Variants in ASPSCR1 observed in about 807,000 individuals in gnomAD.
ASPSCR1 encodes the protein ASPSCR1 tether for SLC2A4, UBX domain containing.
Under a neutral mutation model 68.9 loss-of-function variants are expected in ASPSCR1, and 55 were observed. The ratio of observed to expected loss-of-function variants is 0.80; its 90% CI spans 0.64 to 1.00. ASPSCR1 has a LOEUF of 1.00. ASPSCR1 is among the 50% of genes least tolerant of loss of function. The pLI, the probability that ASPSCR1 is intolerant of heterozygous loss-of-function variation, is 0.00. For synonymous variants in ASPSCR1, 352 were observed against 332.6 expected, an observed-to-expected ratio of 1.06 and a Z score of -0.63; for missense variants, 765 against 762.2, an observed-to-expected ratio of 1.00 and a Z score of -0.04.
chr17:82,015,972 C>T (rs1403365685), intron 12 of ASPSCR1: 5 of 166,564 alleles, frequency 3.0e-5, no homozygotes, highest in Non-Finnish European at 1.3e-5. Context: ...TGGGCCTGGC[C>T]TTTGAAGCTT....
chr17:81,991,664 C>T (rs2042172061), intron 4 of ASPSCR1, among the ~76,000 whole-genome samples: 2 of 152,254 alleles, frequency 1.3e-5, no homozygotes. Context: ...AGGCCGGAGC[C>T]TGCCCCAGGC....
intron 12 of ASPSCR1, chr17:82,014,374 G>T (rs2043050126): frequency 6.5e-6 from 1 of 152,918 alleles, no homozygotes; most frequent in Non-Finnish European, 1.5e-5. Context: ...CTTGCAGAAG[G>T]CAGGATGGCT....
At position 81,987,357 on chromosome 17, in the gene ASPSCR1, G is replaced by T. The variant is rs2042029214; in HGVS notation, c.374+1750G>T. On this transcript the variant is annotated intron_variant, in intron 4 of 15. Transcript: ENST00000306739. The surrounding 1 kb of genome is among the most constrained non-coding windows in gnomAD (Gnocchi z 5.6). ...GGCTCTGTGCTGCTTCCTGAGACGA[G>T]AGTGGCAGAGGGCAAGAAGAAAACC... Among the ~76,000 whole-genome samples the T allele has an allele frequency of 6.6e-6, 1 of 152,246 alleles. No homozygotes were observed. The highest frequency in any genetic ancestry group is 1.5e-5 in the Non-Finnish European group (1 of 68,046).
Position 81,977,807 on chromosome 17 carries a change from C to T in ASPSCR1, c.102+59C>T, listed in dbSNP as rs1236023242. ...GGGCGGGGGGCGCTGCGCCGAGGCCCCGCCCATTGCGGTCGGCGTCCCGGT... is the reference window on the plus strand; with the variant it reads ...GGGCGGGGGGCGCTGCGCCGAGGCCTCGCCCATTGCGGTCGGCGTCCCGGT... On this transcript the variant is annotated intron_variant, in intron 1 of 15. Coordinates refer to ENST00000306739, the MANE Select transcript of ASPSCR1 (RefSeq NM_024083.4). This position sits in a 1 kb window ranked among gnomAD's most constrained non-coding sequence, Gnocchi z 5.0. 2 of 1,170,654 alleles carry T rather than the reference C, an allele frequency of 1.7e-6. No individual in the cohort carries two copies. The highest frequency in any genetic ancestry group is 1.6e-5 in the African/African-American group (1 of 62,276). 72.5% of individuals were successfully genotyped at this position (1,170,654 alleles called of 1,614,324 possible). A position where few individuals can be genotyped will look rare whatever the true frequency, so the allele number is the denominator to read the frequency against.
rs550884343 is a variant in ASPSCR1, at chr17:81,987,418, C to G, written c.374+1811C>G. On this transcript the variant is annotated intron_variant, in intron 4 of 15. Coordinates refer to ENST00000306739, the MANE Select transcript of ASPSCR1 (RefSeq NM_024083.4). This position sits in a 1 kb window ranked among gnomAD's most constrained non-coding sequence, Gnocchi z 5.6. The stretch of plus-strand genomic sequence containing the variant: ...GGGAACAGAAGTCAGGAAAGATGAA[C>G]GTCTGGAAGGAAATGCCCCTGGGCC... 3.4e-4 allele frequency among the ~76,000 whole-genome samples: 51 copies of G among 152,210 alleles called. No individual in the cohort carries two copies. Among genetic ancestry groups the G allele is most frequent in the Non-Finnish European group, 5.9e-4 (40 of 68,036 alleles).
intron 11 of ASPSCR1, 73 bp downstream of exon 11, chr17:82,011,678 C>T (rs2042952823): frequency 6.6e-7 from 1 of 1,519,784 alleles, no homozygotes; most frequent in African/African-American, 1.4e-5. Flanking sequence ...CACCGCCCGT[C>T]CCAGCTGGGG....
chr17:82,010,252 G>A (rs888474286), intron 9 of ASPSCR1, among the ~76,000 whole-genome samples: 2 of 150,658 alleles, frequency 1.3e-5, no homozygotes, highest in African/African-American at 4.9e-5. Context: ...CATTTGAGCC[G>A]GGCGTGGTGG....
At chr17:81,985,106 G>A (rs1231579627) in intron 3 of ASPSCR1, among the ~76,000 whole-genome samples, 3 of 126,584 alleles carry the variant, frequency 2.4e-5, no homozygotes, top group Middle Eastern at 5.7e-3. Context: ...GCACATACCC[G>A]CACACACCTG....
At chr17:81,997,101 TGTCCGCTCCGGG>T in intron 7 of ASPSCR1, among the ~76,000 whole-genome samples, 1 of 150,434 alleles carries the variant, frequency 6.6e-6, no homozygotes, top group Non-Finnish European at 1.5e-5. Flanking sequence ...GATGAGGCCG[TGTCCGCTCCGGG>T]ATGAGGCCGT....
intron 7 of ASPSCR1, among the ~76,000 whole-genome samples, chr17:82,002,554 CTATTTTTATTTT>C (rs570660016): frequency 6.6e-6 from 1 of 150,994 alleles, no homozygotes; most frequent in Non-Finnish European, 1.5e-5. Flanking sequence ...TGTGCCCAGC[CTATTTTTATTTT>C]TATTTTTATT....
At chr17:82,016,603 G>A in intron 13 of ASPSCR1, 76 bp downstream of exon 13, 1 of 1,536,476 alleles carries the variant, frequency 6.5e-7, no homozygotes, top group Middle Eastern at 2.0e-4. Context: ...CTGCCCGGGA[G>A]GGCGTTCGGT....
At chr17:81,985,402 A>AG in intron 3 of ASPSCR1, 105 bp from the exon 4 acceptor site, 1 of 1,212,258 alleles carries the variant, frequency 8.2e-7, no homozygotes, top group East Asian at 2.5e-5. Flanking sequence ...CCTGGAGGCC[A>AG]GGGCGGGGCA....
rs1205873461 is a variant in ASPSCR1 at position 81,983,637 on chromosome 17, C to T, written c.242C>T (p.Ala81Val). The T allele has an allele frequency of 6.2e-7, 1 of 1,613,108 alleles. No individual in the cohort carries two copies. Among genetic ancestry groups the T allele is most frequent in the African/African-American group, 1.3e-5 (1 of 74,758 alleles). ...PNNAKLEMVP[A>V]SRSREGPENM... ...AATGCCAAGCTGGAGATGGTGCCCG[C>T]TTCCCGGAGCCGTGAGGGGCCTGAG... is the stretch of plus-strand genomic sequence containing the variant. The change falls in exon 3 of 16, where the codon GCT (alanine) becomes GTT (valine). Residue 81 changes from alanine to valine, a missense_variant. Physicochemically the swap from Ala to Val is moderately conservative, Grantham distance 64. Transcript: ENST00000306739. This position sits in a 1 kb window ranked among gnomAD's most constrained non-coding sequence, Gnocchi z 4.4.
At chr17:81,992,158 T>A (rs1017867125) in intron 4 of ASPSCR1, among the ~76,000 whole-genome samples, 3 of 152,254 alleles carry the variant, frequency 2.0e-5, no homozygotes, top group African/African-American at 7.2e-5. Flanking sequence ...GCATGGTGTC[T>A]GGTGGCTTGG....
In ASPSCR1 at chr17:81,985,916, C is replaced by T. The variant is rs555743346; in HGVS notation, c.374+309C>T. On this transcript the variant is annotated intron_variant, in intron 4 of 15. Coordinates refer to ENST00000306739, the MANE Select transcript of ASPSCR1 (RefSeq NM_024083.4). ...CTGGTGAGCACTAAGGGGAGACGTT[C>T]GGTGCTGGGGGCAGGGCTCCCCATG... Among the ~76,000 whole-genome samples the T allele has an allele frequency of 6.6e-5, 10 of 152,046 alleles. No homozygotes were observed. In the South Asian group the frequency reaches 8.3e-4, roughly 13 times the overall value.
At chr17:82,009,846 C>T (rs372090904) in intron 9 of ASPSCR1, 2 of 359,286 alleles carry the variant, frequency 5.6e-6, no homozygotes, top group Non-Finnish European at 1.0e-5. Flanking sequence ...TGAGCAGGGC[C>T]CCCCCGTGGT....
intron 4 of ASPSCR1, among the ~76,000 whole-genome samples, chr17:81,993,650 T>G (rs1196992506): frequency 6.6e-6 from 1 of 152,254 alleles, no homozygotes; most frequent in Non-Finnish European, 1.5e-5. Flanking sequence ...TCCCGCTCTG[T>G]GCATGGATGT....
chr17:81,997,487 G>GTTT (rs774654669), intron 7 of ASPSCR1, among the ~76,000 whole-genome samples: 16 of 135,904 alleles, frequency 1.2e-4, no homozygotes, highest in Middle Eastern at 3.5e-3. Flanking sequence ...TTTTTTCTGG[G>GTTT]TTTTTTTTTT....
chr17:81,995,959 A>C (rs1304733855), intron 5 of ASPSCR1, 33 bp from the exon 6 acceptor site: 13 of 1,599,222 alleles, frequency 8.1e-6, no homozygotes, highest in Middle Eastern at 1.8e-4. Flanking sequence ...GTCCCGGTGC[A>C]AGGCGCACCT....
Sources: allele counts gnomAD v4.1 joint callset (sites outside exome capture counted in the v4.1 genomes callset), GRCh38; gene constraint gnomAD v4.1.1; non-coding constraint Gnocchi (gnomAD v3.1); transcripts MANE v1.5; gene names NCBI Gene and HGNC (gene_info 2026-07-23, HGNC 2026-07-21).